Variants in WDR76 observed in about 807,000 individuals in gnomAD.
WDR76 encodes WD repeat domain 76.
A neutral mutation model predicts 70.2 loss-of-function variants in WDR76; 52 were observed. That is an observed-to-expected ratio of 0.74 (90% confidence interval 0.59 to 0.93). The LOEUF is 0.93. WDR76 is among the 40% of genes least tolerant of loss of function. WDR76 has a pLI of 0.00. For synonymous variants in WDR76, 292 were observed against 271.1 expected (o/e 1.08, Z -0.76); for missense variants, 756 against 760.2 (o/e 0.99, Z 0.07).
In WDR76 at chr15:43,836,186, TAGAGA is replaced by T. The variant is rs1281967686; in HGVS notation, c.584_588del (p.Lys195ThrfsTer4). Reference sequence around the variant, plus strand: ...TCTGCTGCAAGACTCCGTGAAATGATAGAGAAGAGACAGCCTCCTAAATCCAAAAG... The same window carrying T: ...TCTGCTGCAAGACTCCGTGAAATGATAGAGACAGCCTCCTAAATCCAAAAG... On this transcript the variant is annotated frameshift_variant, in exon 4 of 13. Transcript: ENST00000263795. LOFTEE classifies it high-confidence loss of function. The T allele has an allele frequency of 1.2e-6, 2 of 1,609,888 alleles. No individual in the cohort carries two copies. Among genetic ancestry groups the T allele is most frequent in the Admixed American group, 3.4e-5 (2 of 59,392 alleles).
At chr15:43,865,279 TTTA>T (rs1251071958) in intron 12 of WDR76, among the ~76,000 whole-genome samples, 2 of 144,410 alleles carry the variant, frequency 1.4e-5, no homozygotes, top group African/African-American at 2.6e-5. Context: ...TATTTTTATT[TTTA>T]TTTTTTTTGA....
rs2087935428 is a variant in WDR76 at position 43,856,961 on chromosome 15, A to G, written c.1207A>G (p.Arg403Gly). The stretch of plus-strand genomic sequence containing the variant: ...ATATTCTTAGGTGTATAGAAATGAA[A>G]GAAGTAGCTTTTCCTCCTTCGACTT... ...AIFEEVYRNE[R>G]SSFSSFDFLA... Residue 403 changes from arginine to glycine, a missense_variant, in exon 10 of 13, where the codon AGA becomes GGA. Arg to Gly is a moderately radical substitution (Grantham distance 125). Transcript: ENST00000263795. The G allele has an allele frequency of 2.5e-6, 4 of 1,613,850 alleles. No individual in the cohort carries two copies. Among genetic ancestry groups the G allele is most frequent in the East Asian group, 2.2e-5 (1 of 44,856 alleles).
At chr15:43,839,505 TA>T in intron 4 of WDR76, 99 bp from the exon 5 acceptor site, 1 of 1,250,946 alleles carries the variant, frequency 8.0e-7, no homozygotes, top group Non-Finnish European at 1.1e-6. Flanking sequence ...AGTTTATAAA[TA>T]TATCTGTGGT....
intron 8 of WDR76, among the ~76,000 whole-genome samples, chr15:43,849,255 T>C (rs2087826996): frequency 6.6e-6 from 1 of 152,060 alleles, no homozygotes; most frequent in Non-Finnish European, 1.5e-5. Context: ...AAATTAACAG[T>C]TTAAAAAATA....
At chr15:43,860,938 T>G (rs1158458201) in intron 11 of WDR76, among the ~76,000 whole-genome samples, 1 of 124,690 alleles carries the variant, frequency 8.0e-6, no homozygotes, top group African/African-American at 3.3e-5. Context: ...TTTTTTTTTG[T>G]AGACAAGGTT....
intron 4 of WDR76, among the ~76,000 whole-genome samples, chr15:43,838,375 G>T (rs555834505): frequency 4.0e-5 from 6 of 151,852 alleles, no homozygotes; most frequent in African/African-American, 1.5e-4. Flanking sequence ...TAGTAGATAC[G>T]GGGTTTCGCC....
chr15:43,849,589 A>C (rs1230946166), intron 8 of WDR76, among the ~76,000 whole-genome samples: 1 of 151,964 alleles, frequency 6.6e-6, no homozygotes, highest in East Asian at 1.9e-4. Flanking sequence ...CCCAGGCTGG[A>C]GTTCAGTGGT....
intron 3 of WDR76, among the ~76,000 whole-genome samples, chr15:43,835,610 T>C (rs2087645847): frequency 6.6e-6 from 1 of 151,966 alleles, no homozygotes; most frequent in South Asian, 2.1e-4. Flanking sequence ...TTGTGCTTAA[T>C]AGGAAGAGGT....
Position 43,868,070 on chromosome 15 carries a change from G to A in WDR76, c.*1678G>A, listed in dbSNP as rs954190434. 1.3e-5 allele frequency: 2 copies of A among 152,030 alleles called. No individual in the cohort carries two copies. Among genetic ancestry groups the A allele is most frequent in the Admixed American group, 1.3e-4 (2 of 15,266 alleles). The allele number at this position is 152,030 out of a possible 1,614,324, so 9.4% of individuals were successfully genotyped here. A position where few individuals can be genotyped will look rare whatever the true frequency, so the allele number is the denominator to read the frequency against. On this transcript the variant is annotated 3_prime_UTR_variant, in exon 13 of 13. Transcript: ENST00000263795. ...GTAAAAAGGTTTAGTTTTTTAATAG[G>A]TTTAGGTGTTTATAAGCAATAGTTC...
chr15:43,839,490 T>C, intron 4 of WDR76, 115 bp from the exon 5 acceptor site: 2 of 1,084,262 alleles, frequency 1.8e-6, no homozygotes, highest in Non-Finnish European at 2.6e-6. Context: ...TATATATATC[T>C]ATGCAGTTTA....
At position 43,857,175 on chromosome 15, in the gene WDR76, A is replaced by AT; in HGVS notation, c.1409+13dup. 6.2e-7 allele frequency: 1 copy of AT among 1,601,172 alleles called. No individual in the cohort carries two copies. ...ACTGCCGGATTGAGGTATGGTCTTT[A>AT]TAAGACTTTATGACTTAGACCTTTT... On this transcript the variant is annotated intron_variant, in intron 10 of 12. Transcript: ENST00000263795.
chr15:43,828,048 G>C lies in WDR76; in HGVS notation c.144G>C (p.Lys48Asn). ...AQTTVLIKTAKVYLAPFSLSN... is the reference protein window; with the variant it reads ...AQTTVLIKTANVYLAPFSLSN... ...CTACAGTTTTAATAAAAACAGCTAA[G>C]GTCTATCTTGCCCCCTTTTCACTCA... The change falls in exon 2 of 13, where the codon AAG becomes AAC. Residue 48 changes from lysine to asparagine, a missense_variant. Lys to Asn is a moderately conservative substitution (Grantham distance 94). Coordinates refer to ENST00000263795, the MANE Select transcript of WDR76 (RefSeq NM_024908.4). 2.5e-6 allele frequency: 4 copies of C among 1,614,130 alleles called. No individual in the cohort carries two copies. The highest frequency in any genetic ancestry group is 1.7e-6 in the Non-Finnish European group (2 of 1,180,040).
intron 5 of WDR76, among the ~76,000 whole-genome samples, chr15:43,840,231 T>TA (rs2087708073): frequency 6.6e-6 from 1 of 152,158 alleles, no homozygotes; most frequent in Non-Finnish European, 1.5e-5. Context: ...CTGCAGGACT[T>TA]ACCTGCTTAG....
intron 9 of WDR76, among the ~76,000 whole-genome samples, chr15:43,854,229 A>G (rs1283649534): frequency 2.6e-5 from 4 of 152,208 alleles, no homozygotes; most frequent in Non-Finnish European, 5.9e-5. Flanking sequence ...GCACATGTCC[A>G]CACAAAAACT....
chr15:43,828,434 G>T, intron 2 of WDR76, 68 bp downstream of exon 2: 1 of 1,446,424 alleles, frequency 6.9e-7, no homozygotes, highest in South Asian at 1.4e-5. Context: ...ATAAATCGAA[G>T]TTTTTCGAGG....
chr15:43,851,233 T>C lies in WDR76; in HGVS notation c.1179T>C (p.Ala393=). The C allele has an allele frequency of 6.2e-7, 1 of 1,614,062 alleles. No homozygotes were observed. Among genetic ancestry groups the C allele is most frequent in the Non-Finnish European group, 8.5e-7 (1 of 1,180,012 alleles). The part of the protein sequence containing the change: ...GTLRCGDFSR[A]IFEEVYRNER... ...TACGCTGTGGGGATTTTTCCAGGGCTATTTTTGAAGAGGTAAATGTTAATG... is the reference window on the plus strand; with the variant it reads ...TACGCTGTGGGGATTTTTCCAGGGCCATTTTTGAAGAGGTAAATGTTAATG... The change falls in exon 9 of 13, where the codon GCT becomes GCC. Residue 393 remains alanine, a synonymous_variant. Transcript: ENST00000263795.
At chr15:43,828,812 C>T (rs774144317) in intron 2 of WDR76, among the ~76,000 whole-genome samples, 8 of 151,902 alleles carry the variant, frequency 5.3e-5, no homozygotes, top group Admixed American at 3.9e-4. Flanking sequence ...AAATGCAAAA[C>T]GAGACAAATG....
At chr15:43,842,312 T>C in intron 5 of WDR76, 103 bp from the exon 6 acceptor site, 1 of 953,416 alleles carries the variant, frequency 1.0e-6, no homozygotes, top group East Asian at 2.5e-5. Context: ...CTGTTGATGT[T>C]GAAAGTGAAG....
At chr15:43,843,248 T>C (rs905768836) in intron 7 of WDR76, among the ~76,000 whole-genome samples, 1 of 152,160 alleles carries the variant, frequency 6.6e-6, no homozygotes, top group African/African-American at 2.4e-5. Flanking sequence ...CTTGAATACC[T>C]GGGCTCAAGT....
Sources: gnomAD v4.1 joint callset for allele counts (sites outside exome capture counted in the v4.1 genomes callset) on GRCh38, gnomAD v4.1.1 for gene constraint, MANE v1.5 for transcripts, NCBI Gene and HGNC (gene_info 2026-07-23, HGNC 2026-07-21) for gene names.